ESRRG: variants seen among roughly 807,000 people sequenced by gnomAD.
The protein encoded by ESRRG is estrogen related receptor gamma.
Under a neutral mutation model 44.0 loss-of-function variants are expected in ESRRG, and 13 were observed. The observed-to-expected ratio is 0.30, with a 90% confidence interval of 0.19 to 0.47. The LOEUF (loss-of-function observed/expected upper bound fraction) is 0.47. ESRRG is among the 20% of genes least tolerant of loss of function. The probability of loss-of-function intolerance (pLI) is 1.00; values close to 1 mark genes in which losing one functional copy is unlikely to be tolerated. For synonymous variants in ESRRG, 215 were observed against 214.6 expected, an observed-to-expected ratio of 1.00 and a Z score of -0.02; for missense variants, 395 against 580.6, an observed-to-expected ratio of 0.68 and a Z score of 3.29.
chr1:217,038,648 C>T (rs1244959140), intron 1 of ESRRG, among the ~76,000 whole-genome samples: 1 of 152,228 alleles, frequency 6.6e-6, no homozygotes, highest in Non-Finnish European at 1.5e-5. Context: ...TCCCTAGGCT[C>T]AGGCCAGGAA....
chr1:216,673,097 G>A (rs969348345), intron 2 of ESRRG, among the ~76,000 whole-genome samples: 1 of 152,048 alleles, frequency 6.6e-6, no homozygotes, highest in Non-Finnish European at 1.5e-5. Flanking sequence ...CTTTAATGGA[G>A]GGGAGGGAGA....
At position 217,068,817 on chromosome 1, in the gene ESRRG, G is replaced by A. The variant is rs149412128; in HGVS notation, c.-106+20690C>T. 3.8e-4 allele frequency among the ~76,000 whole-genome samples: 58 copies of A among 152,182 alleles called. 1 individual carries two copies. In the East Asian group the frequency reaches 5.0e-3, roughly 13 times the overall value. ...AAGGTAAAAAGCAATCACTTTTTCC[G>A]CCTTCCAATCATTCTTCTCCCTTCT... On this transcript the variant is annotated intron_variant, in intron 1 of 7. Coordinates refer to the ESRRG transcript ENST00000359162.
chr1:216,593,618 A>T (rs2058019599), intron 3 of ESRRG, among the ~76,000 whole-genome samples: 1 of 152,246 alleles, frequency 6.6e-6, no homozygotes, highest in Non-Finnish European at 1.5e-5. Context: ...TAAAGTTTGA[A>T]TCATTGTCTA....
At chr1:216,962,103 A>G (rs1180095282) in intron 1 of ESRRG, among the ~76,000 whole-genome samples, 7 of 152,158 alleles carry the variant, frequency 4.6e-5, no homozygotes, top group Non-Finnish European at 8.8e-5. Context: ...CTGCAAATAG[A>G]AAGTCCAGTT....
intron 1 of ESRRG, among the ~76,000 whole-genome samples, chr1:217,074,205 G>A (rs1183604038): frequency 6.6e-6 from 1 of 151,866 alleles, no homozygotes; most frequent in Non-Finnish European, 1.5e-5. Context: ...CCACCACCGT[G>A]CCTGGCTAAT....
chr1:216,705,791 C>T (rs1025677267), intron 1 of ESRRG, among the ~76,000 whole-genome samples: 13 of 152,086 alleles, frequency 8.5e-5, no homozygotes, highest in Admixed American at 2.6e-4. Flanking sequence ...CTTTTCAGCC[C>T]GAATGTTCCT....
Position 216,800,665 on chromosome 1 carries a change from C to T in ESRRG, c.-13-123174G>A, listed in dbSNP as rs2094587530. ...AGCTTCTTTGAGGATCTGATGAAAG[C>T]TGGGGACTTTCTCTGAAGAAAACTG... On this transcript the variant is annotated intron_variant, in intron 2 of 7. Transcript: ENST00000359162. Among the ~76,000 whole-genome samples, 3 of 152,216 alleles carry T rather than the reference C, an allele frequency of 2.0e-5. No homozygotes were observed. In the South Asian group the frequency reaches 6.2e-4, roughly 32 times the overall value.
chr1:217,035,635 C>T (rs1360951366), intron 1 of ESRRG, among the ~76,000 whole-genome samples: 2 of 135,208 alleles, frequency 1.5e-5, no homozygotes, highest in Non-Finnish European at 3.2e-5. Context: ...TGGTTTAATA[C>T]AAAAGTCAAA....
At chr1:216,799,510 T>A (rs2094559249) in intron 2 of ESRRG, among the ~76,000 whole-genome samples, 1 of 152,042 alleles carries the variant, frequency 6.6e-6, no homozygotes, top group South Asian at 2.1e-4. Flanking sequence ...GCTCACAATT[T>A]ACCTGCTGAG....
intron 5 of ESRRG, among the ~76,000 whole-genome samples, chr1:216,528,596 C>T (rs1451707120): frequency 6.6e-6 from 1 of 152,142 alleles, no homozygotes; most frequent in East Asian, 1.9e-4. Context: ...ATGCTCATTG[C>T]TTCTTTCTAC....
chr1:216,878,994 T>C (rs570061618), intron 2 of ESRRG, among the ~76,000 whole-genome samples: 78 of 152,252 alleles, frequency 5.1e-4, no homozygotes, highest in Non-Finnish European at 9.6e-4. Context: ...ATTACAACTA[T>C]GTAGATGGAC....
chr1:217,005,503 T>A (rs956285067), intron 1 of ESRRG, among the ~76,000 whole-genome samples: 2 of 152,152 alleles, frequency 1.3e-5, no homozygotes, highest in African/African-American at 4.8e-5. Flanking sequence ...CAGGGAACTC[T>A]TAGACACTTA....
intron 2 of ESRRG, among the ~76,000 whole-genome samples, chr1:216,757,029 A>G (rs989765899): frequency 1.3e-5 from 2 of 151,932 alleles, no homozygotes; most frequent in African/African-American, 2.4e-5. Flanking sequence ...CCCTCTCCTC[A>G]TAAAGGCATT....
chr1:216,937,802 C>T (rs544753885), intron 2 of ESRRG, among the ~76,000 whole-genome samples: 38 of 152,212 alleles, frequency 2.5e-4, no homozygotes, highest in African/African-American at 8.4e-4. Flanking sequence ...TAAAAATAAA[C>T]TTTTTATAGT....
intron 1 of ESRRG, among the ~76,000 whole-genome samples, chr1:217,002,092 A>G (rs1388481916): frequency 6.6e-6 from 1 of 152,082 alleles, no homozygotes; most frequent in Admixed American, 6.5e-5. Context: ...ACTTGAGGCC[A>G]GAAATTTGAG....
chr1:216,517,977 T>C (rs939093197), intron 6 of ESRRG, among the ~76,000 whole-genome samples: 1 of 152,136 alleles, frequency 6.6e-6, no homozygotes, highest in Non-Finnish European at 1.5e-5. Context: ...GATTCATGCA[T>C]CAATATTGTA....
chr1:216,742,590 C>G (rs2090892023), intron 2 of ESRRG, among the ~76,000 whole-genome samples: 1 of 151,836 alleles, frequency 6.6e-6, no homozygotes, highest in Non-Finnish European at 1.5e-5. Flanking sequence ...CCCTTTCATA[C>G]AGTACCTTGC....
rs1290823513 is a variant in ESRRG, at chr1:216,506,351, T to C, written c.*588A>G. ...GCATCCATATTATGGATCTCCATCC[T>C]TTGGCAGGGCTGGCTTCCATCTCTC... is the stretch of plus-strand genomic sequence containing the variant. On this transcript the variant is annotated 3_prime_UTR_variant, in exon 7 of 7. Coordinates refer to ENST00000408911, the MANE Select transcript of ESRRG (RefSeq NM_001438.4). 2.1e-5 allele frequency: 6 copies of C among 288,120 alleles called. No individual in the cohort carries two copies. 17.8% of individuals were successfully genotyped at this position (288,120 alleles called of 1,614,324 possible).
chr1:217,083,013 A>G (rs2091868987), intron 1 of ESRRG, among the ~76,000 whole-genome samples: 1 of 152,186 alleles, frequency 6.6e-6, no homozygotes, highest in Non-Finnish European at 1.5e-5. Flanking sequence ...CAACCATCGC[A>G]AGTCTAGATA....
Sources: allele counts gnomAD v4.1 joint callset (sites outside exome capture counted in the v4.1 genomes callset), GRCh38; gene constraint gnomAD v4.1.1; transcripts MANE v1.5; gene names NCBI Gene and HGNC (gene_info 2026-07-23, HGNC 2026-07-21).